The following BOD1L1 variants were observed in gnomAD, a reference collection of about 807,000 sequenced individuals.
The protein encoded by BOD1L1 is biorientation of chromosomes in cell division protein 1-like 1.
A neutral mutation model predicts 240.7 loss-of-function variants in BOD1L1; 86 were observed. That is an observed-to-expected ratio of 0.36 (90% CI 0.30 to 0.43). BOD1L1 has a LOEUF of 0.43. Ranked by LOEUF, BOD1L1 falls within the 20% of genes least tolerant of loss-of-function variation. The pLI is 1.00. For missense variants in BOD1L1, 3,554 were observed against 3,643.5 expected (o/e 0.98, Z 0.63); for synonymous variants, 1,268 against 1,272.3 (o/e 1.00, Z 0.07).
intron 22 of BOD1L1, 108 bp downstream of exon 22, chr4:13,579,820 C>A (rs914760135): frequency 1.2e-6 from 1 of 807,982 alleles, no homozygotes; most frequent in South Asian, 1.8e-5. Context: ...ACCAAGGGGG[C>A]CACCCACTTC....
Position 13,597,155 on chromosome 4 carries a change from A to G in BOD1L1, c.7968T>C (p.Ser2656=). The G allele has an allele frequency of 1.3e-6, 2 of 1,593,982 alleles. No homozygotes were observed. The highest frequency in any genetic ancestry group is 1.7e-6 in the Non-Finnish European group (2 of 1,169,004). Residue 2656 remains serine, a synonymous_variant, in exon 11 of 26, where the codon TCT becomes TCC. Transcript: ENST00000040738. ...TCAATCCTCCCAAAACATTCAATGG[A>G]GACTCTTCATTGCCTAATAAAATTC... ...ENVCDIGNEE[S]PLNVLGGLKL...
At chr4:13,595,633 A>T (rs763264905) in intron 12 of BOD1L1, among the ~76,000 whole-genome samples, 2 of 152,210 alleles carry the variant, frequency 1.3e-5, no homozygotes, top group African/African-American at 2.4e-5. Flanking sequence ...TTTGGGGGTA[A>T]TCAGATTTAA....
In BOD1L1 at chr4:13,614,405, C is replaced by T. The variant is rs1216415313; in HGVS notation, c.965G>A (p.Gly322Asp). ...SEQKNKSTDKGEKKPDSNEKG... is the reference protein window; with the variant it reads ...SEQKNKSTDKDEKKPDSNEKG... ...CTCATTGCTGTCTGGCTTCTTTTCA[C>T]CTTTGTCTGTTGATTTATTTTTTTG... The change falls in exon 4 of 26, where the codon GGT (glycine) becomes GAT (aspartate). Residue 322 changes from glycine to aspartate, a missense_variant. This residue lies in a region of BOD1L1 where 3,393 missense variants were observed against 3,427.1 expected (regional missense o/e 0.99). Transcript: ENST00000040738. 1.3e-6 allele frequency: 2 copies of T among 1,580,056 alleles called. No homozygotes were observed. Among genetic ancestry groups the T allele is most frequent in the Admixed American group, 1.8e-5 (1 of 54,162 alleles).
chr4:13,588,649 C>T (rs1178071547), intron 15 of BOD1L1, 73 bp downstream of exon 15: 4 of 1,134,126 alleles, frequency 3.5e-6, no homozygotes, highest in Non-Finnish European at 5.0e-6. Context: ...TAAAGCCTTT[C>T]TAAAGCCCTT....
At position 13,604,793 on chromosome 4, in the gene BOD1L1, G is replaced by C. The variant is rs766624236; in HGVS notation, c.2107C>G (p.Leu703Val). Residue 703 changes from leucine (L) to valine (V), a missense_variant, in exon 10 of 26, where the codon CTA becomes GTA. Physicochemically the swap from Leu to Val is conservative, Grantham distance 32. Coordinates refer to ENST00000040738, the MANE Select transcript of BOD1L1 (RefSeq NM_148894.3). ...GGTGTTTCAGAATCATCTTTCTTTA[G>C]ATGCTTTTCGTTTTTAAGTGTGCTT... ...QKSTLKNEKHLKKDDSETPHL... is the reference protein window; with the variant it reads ...QKSTLKNEKHVKKDDSETPHL... 1.2e-6 allele frequency: 2 copies of C among 1,613,226 alleles called. No individual in the cohort carries two copies. The highest frequency in any genetic ancestry group is 1.3e-5 in the African/African-American group (1 of 74,966).
At chr4:13,574,907 GTTTTTGTTTT>G (rs67771186) in intron 25 of BOD1L1, among the ~76,000 whole-genome samples, 79,083 of 147,324 alleles carry the variant, frequency 0.54, 24,560 homozygotes, top group East Asian at 0.95. Flanking sequence ...TTGATTTTAA[GTTTTTGTTTT>G]TTTTTGTTTT....
intron 2 of BOD1L1, among the ~76,000 whole-genome samples, chr4:13,617,409 T>G (rs976146463): frequency 6.6e-6 from 1 of 152,024 alleles, no homozygotes; most frequent in Non-Finnish European, 1.5e-5. Flanking sequence ...CACACAGAGG[T>G]CAGCTCTAAT....
intron 5 of BOD1L1, among the ~76,000 whole-genome samples, chr4:13,612,534 G>A (rs1453515122): frequency 6.6e-6 from 1 of 152,132 alleles, no homozygotes; most frequent in Non-Finnish European, 1.5e-5. Context: ...GAGGACTATA[G>A]GAGTTATTAC....
chr4:13,610,029 A>C (rs1049068323), intron 6 of BOD1L1, among the ~76,000 whole-genome samples: 2 of 152,188 alleles, frequency 1.3e-5, no homozygotes, highest in South Asian at 4.1e-4. Context: ...TTCAAAAGAT[A>C]AGCCTGAAGG....
chr4:13,620,606 A>C (rs1053205859), intron 1 of BOD1L1, among the ~76,000 whole-genome samples: 1 of 152,184 alleles, frequency 6.6e-6, no homozygotes. Context: ...CAGGTGCTAA[A>C]AAGCTTTGGT....
At chr4:13,580,014 C>T (rs2108889501) in intron 21 of BOD1L1, 41 bp from the exon 22 acceptor site, 1 of 1,395,688 alleles carries the variant, frequency 7.2e-7, no homozygotes, top group Non-Finnish European at 9.9e-7. Flanking sequence ...TTTAAATCAG[C>T]AGTTTATAAT....
At position 13,602,619 on chromosome 4, in the gene BOD1L1, TTTAA is replaced by T. The variant is rs1408055974; in HGVS notation, c.4277_4280del (p.Ile1426LysfsTer4). The T allele has an allele frequency of 1.2e-6, 2 of 1,614,062 alleles. No individual in the cohort carries two copies. The highest frequency in any genetic ancestry group is 1.7e-5 in the Admixed American group (1 of 60,030). On this transcript the variant is annotated frameshift_variant, in exon 10 of 26. Transcript: ENST00000040738. LOFTEE classifies it high-confidence loss of function. ...CCTTCTTGCCATTCTCTACTGTTGCTTTAATTGTCTGCTTTAAATTGGGCTCTGC... is the reference window on the plus strand; with the variant it reads ...CCTTCTTGCCATTCTCTACTGTTGCTTTGTCTGCTTTAAATTGGGCTCTGC...
Position 13,603,746 on chromosome 4 carries a change from GACT to G in BOD1L1, c.3151_3153del (p.Ser1051del). 6.2e-7 allele frequency: 1 copy of G among 1,613,722 alleles called. No homozygotes were observed. Among genetic ancestry groups the G allele is most frequent in the Non-Finnish European group, 8.5e-7 (1 of 1,179,840 alleles). On this transcript the variant is annotated inframe_deletion, in exon 10 of 26. Coordinates refer to ENST00000040738, the MANE Select transcript of BOD1L1 (RefSeq NM_148894.3). Reference sequence around the variant, plus strand: ...GAACTATTACCTCTGGCCTTTTCATGACTACTGTCAACTTCTTTACCATCCTTG... The same window carrying G: ...GAACTATTACCTCTGGCCTTTTCATGACTGTCAACTTCTTTACCATCCTTG...
intron 7 of BOD1L1, among the ~76,000 whole-genome samples, chr4:13,608,994 G>C (rs1258271259): frequency 6.6e-6 from 1 of 152,156 alleles, no homozygotes; most frequent in Admixed American, 6.5e-5. Flanking sequence ...TTAATCACCA[G>C]CAAGGGTTGA....
In BOD1L1 at chr4:13,601,091, T is replaced by C. The variant is rs1001649643; in HGVS notation, c.5809A>G (p.Thr1937Ala). 6 of 1,613,992 alleles carry C rather than the reference T, an allele frequency of 3.7e-6. No homozygotes were observed. The South Asian group carries it at 4.4e-5, about 12-fold the overall frequency. ...TCTGTGTCTTTACTTCCTTTCTCTG[T>C]GCCACTCATGCTGTCAACATTATTT... ...NENNVDSMSG[T>A]EKGSKDTDIC... The change falls in exon 10 of 26, where the codon ACA (threonine) becomes GCA (alanine). Residue 1937 changes from threonine (T) to alanine (A), a missense_variant. Thr to Ala is a moderately conservative substitution (Grantham distance 58, BLOSUM62 0). This residue lies in a region of BOD1L1 where 3,393 missense variants were observed against 3,427.1 expected (regional missense o/e 0.99). Coordinates refer to ENST00000040738, the MANE Select transcript of BOD1L1 (RefSeq NM_148894.3).
intron 6 of BOD1L1, 102 bp downstream of exon 6, chr4:13,610,832 G>A: frequency 2.0e-6 from 2 of 977,306 alleles, no homozygotes; most frequent in Non-Finnish European, 2.9e-6. Flanking sequence ...GGCAAATCCT[G>A]TATGTCTCTG....
In BOD1L1 at chr4:13,581,116, C is replaced by T. The variant is rs568508874; in HGVS notation, c.8668+16G>A. On this transcript the variant is annotated intron_variant, in intron 20 of 25. Coordinates refer to ENST00000040738, the MANE Select transcript of BOD1L1 (RefSeq NM_148894.3). The stretch of plus-strand genomic sequence containing the variant: ...AAATTTCTTGTGTGTGAACTGAAAA[C>T]ACACCAAGTACCTACTCATTTTTAA... 3.7e-5 allele frequency: 58 copies of T among 1,570,600 alleles called. No homozygotes were observed. In the South Asian group the frequency reaches 6.1e-4, roughly 17 times the overall value.
In BOD1L1 at chr4:13,604,530, T is replaced by A. The variant is rs762876352; in HGVS notation, c.2370A>T (p.Lys790Asn). The change falls in exon 10 of 26, where the codon AAA becomes AAT. Residue 790 changes from lysine to asparagine, a missense_variant. This residue lies in a region of BOD1L1 where 3,393 missense variants were observed against 3,427.1 expected (regional missense o/e 0.99). Transcript: ENST00000040738. Reference protein sequence around the residue: ...KLSSDDKTERKSKHRNERKLS... With the variant: ...KLSSDDKTERNSKHRNERKLS... ...ATTTCCTTTCATTCCTATGTTTACT[T>A]TTTCGTTCGGTTTTATCATCTGAAG... The A allele has an allele frequency of 8.5e-6, 13 of 1,535,452 alleles. No individual in the cohort carries two copies. Among genetic ancestry groups the A allele is most frequent in the Middle Eastern group, 1.7e-4 (1 of 5,754 alleles).
At chr4:13,614,840 A>G in intron 3 of BOD1L1, 30 bp from the exon 4 acceptor site, 1 of 1,552,364 alleles carries the variant, frequency 6.4e-7, no homozygotes, top group East Asian at 2.3e-5. Flanking sequence ...TTTAGAATAC[A>G]TTTAATCAGA....
Sources: allele counts gnomAD v4.1 joint callset (sites outside exome capture counted in the v4.1 genomes callset), GRCh38; gene constraint gnomAD v4.1.1; regional missense constraint gnomAD v4.1.1; transcripts MANE v1.5; gene names NCBI Gene and HGNC (gene_info 2026-07-23, HGNC 2026-07-21).